EMCN: variants seen among roughly 807,000 people sequenced by gnomAD.
The protein encoded by EMCN is MUC-14.
In EMCN, 37 loss-of-function variants were observed where a neutral mutation model predicts 38.4. The observed-to-expected ratio is 0.96, with a 90% CI of 0.74 to 1.27. The LOEUF (loss-of-function observed/expected upper bound fraction) is 1.27. Ranked by LOEUF, EMCN falls within the 50% of genes most tolerant of loss-of-function variation. The probability of loss-of-function intolerance (pLI) is 0.00; values close to 1 mark genes in which losing one functional copy is unlikely to be tolerated. For synonymous variants in EMCN, 95 were observed against 100.8 expected (o/e 0.94, Z 0.35); for missense variants, 318 against 302.8 (o/e 1.05, Z -0.37).
At chr4:100,463,457 T>C (rs921258903) in intron 4 of EMCN, among the ~76,000 whole-genome samples, 1 of 152,186 alleles carries the variant, frequency 6.6e-6, no homozygotes, top group Non-Finnish European at 1.5e-5. Context: ...GCTAAGCTCA[T>C]CATTTTCTTT....
At chr4:100,402,924 C>A (rs1300991017) in intron 11 of EMCN, among the ~76,000 whole-genome samples, 3 of 152,028 alleles carry the variant, frequency 2.0e-5, no homozygotes, top group Non-Finnish European at 4.4e-5. Context: ...CCTTTACTAG[C>A]CACTGGGTTG....
chr4:100,513,754 G>C (rs532003364), intron 1 of EMCN, among the ~76,000 whole-genome samples: 49 of 152,226 alleles, frequency 3.2e-4, no homozygotes, highest in African/African-American at 1.1e-3. Flanking sequence ...GGACAAGATA[G>C]TAAACTATTA....
At chr4:100,445,515 C>G (rs1727644828) in intron 5 of EMCN, among the ~76,000 whole-genome samples, 1 of 151,806 alleles carries the variant, frequency 6.6e-6, no homozygotes, top group Admixed American at 6.6e-5. Flanking sequence ...AAGACTGAAT[C>G]CATATTTGCT....
intron 4 of EMCN, among the ~76,000 whole-genome samples, chr4:100,460,081 G>A (rs1005596923): frequency 2.0e-5 from 3 of 152,028 alleles, no homozygotes; most frequent in Non-Finnish European, 2.9e-5. Flanking sequence ...ATCTTTGACA[G>A]CACTTTTTAT....
chr4:100,401,452 G>A (rs550660328), intron 11 of EMCN, among the ~76,000 whole-genome samples: 13 of 152,162 alleles, frequency 8.5e-5, no homozygotes, highest in African/African-American at 2.9e-4. Context: ...TCAGGGACTT[G>A]AGCAACCACA....
chr4:100,404,841 C>T (rs909072328), intron 11 of EMCN, among the ~76,000 whole-genome samples: 1 of 152,034 alleles, frequency 6.6e-6, no homozygotes, highest in African/African-American at 2.4e-5. Flanking sequence ...TCTTCCAATC[C>T]ATGAACATGC....
rs564556883 is a variant in EMCN at position 100,451,890 on chromosome 4, A to G, written c.377-4319T>C. Among the ~76,000 whole-genome samples the G allele has an allele frequency of 2.6e-5, 4 of 152,110 alleles. No homozygotes were observed. In the South Asian group the frequency reaches 8.3e-4, roughly 32 times the overall value. ...ATATGATTTATCTCCCTTAATCTTC[A>G]CAAAGATCCTGTGAAAGTATAATCC... On this transcript the variant is annotated intron_variant, in intron 4 of 11. Coordinates refer to ENST00000296420, the MANE Select transcript of EMCN (RefSeq NM_016242.4).
chr4:100,461,801 A>G (rs189916163), intron 4 of EMCN, among the ~76,000 whole-genome samples: 8 of 152,328 alleles, frequency 5.3e-5, no homozygotes, highest in Admixed American at 1.3e-4. Context: ...AATACCCACA[A>G]TGTACTTGTC....
intron 4 of EMCN, among the ~76,000 whole-genome samples, chr4:100,451,111 G>C (rs1727825686): frequency 6.6e-6 from 1 of 151,658 alleles, no homozygotes; most frequent in African/African-American, 2.4e-5. Context: ...ACAAATTCTA[G>C]CTAGAATTTT....
chr4:100,405,677 G>A (rs942977084), intron 11 of EMCN, among the ~76,000 whole-genome samples: 1 of 152,042 alleles, frequency 6.6e-6, no homozygotes, highest in Admixed American at 6.6e-5. Context: ...ATATTGGCCT[G>A]AAGTTTTCTT....
At chr4:100,407,818 T>A (rs1560602392) in intron 11 of EMCN, among the ~76,000 whole-genome samples, 1 of 152,216 alleles carries the variant, frequency 6.6e-6, no homozygotes, top group East Asian at 1.9e-4. Context: ...TCAAACATGT[T>A]TTCCAAATTG....
At chr4:100,515,054 A>G (rs1442066358) in intron 1 of EMCN, among the ~76,000 whole-genome samples, 1 of 152,228 alleles carries the variant, frequency 6.6e-6, no homozygotes, top group East Asian at 1.9e-4. Flanking sequence ...ATCACTAACA[A>G]AGGAATTTCT....
At chr4:100,442,531 G>A (rs1039725019) in intron 5 of EMCN, among the ~76,000 whole-genome samples, 2 of 150,024 alleles carry the variant, frequency 1.3e-5, no homozygotes, top group African/African-American at 4.9e-5. Context: ...TTGCTTAATG[G>A]TGTTCCATAA....
At chr4:100,409,469 C>T (rs1299062073) in intron 11 of EMCN, among the ~76,000 whole-genome samples, 1 of 152,142 alleles carries the variant, frequency 6.6e-6, no homozygotes, top group Non-Finnish European at 1.5e-5. Flanking sequence ...AACGTACCTG[C>T]CTTGAGCTTA....
intron 5 of EMCN, among the ~76,000 whole-genome samples, chr4:100,438,356 A>C (rs1219868923): frequency 6.6e-6 from 1 of 152,048 alleles, no homozygotes; most frequent in Non-Finnish European, 1.5e-5. Context: ...AGCATCAGTA[A>C]TTTTTTATGG....
At chr4:100,493,962 A>G (rs1014503481) in intron 1 of EMCN, among the ~76,000 whole-genome samples, 1 of 152,230 alleles carries the variant, frequency 6.6e-6, no homozygotes, top group Non-Finnish European at 1.5e-5. Context: ...AAATACCTAC[A>G]GAGTAGAGGA....
intron 9 of EMCN, among the ~76,000 whole-genome samples, chr4:100,416,682 T>C (rs1015740299): frequency 2.6e-5 from 4 of 152,170 alleles, no homozygotes; most frequent in Non-Finnish European, 5.9e-5. Context: ...ACCTTGGTTG[T>C]TACAGTTGCC....
chr4:100,405,009 T>G (rs1726355145), intron 11 of EMCN, among the ~76,000 whole-genome samples: 1 of 152,132 alleles, frequency 6.6e-6, no homozygotes, highest in South Asian at 2.1e-4. Flanking sequence ...GATTTGTCTC[T>G]CAGCTTGGAT....
chr4:100,431,708 A>G (rs1037874052), intron 5 of EMCN, among the ~76,000 whole-genome samples: 1 of 142,656 alleles, frequency 7.0e-6, no homozygotes, highest in African/African-American at 2.6e-5. Flanking sequence ...ACATGAGCCA[A>G]TTCTTACAAT....
Sources: gnomAD v4.1 joint callset for allele counts (sites outside exome capture counted in the v4.1 genomes callset) on GRCh38, gnomAD v4.1.1 for gene constraint, MANE v1.5 for transcripts, NCBI Gene and HGNC (gene_info 2026-07-23, HGNC 2026-07-21) for gene names.